TET1: variants seen among roughly 807,000 people sequenced by gnomAD.
TET1 encodes tet methylcytosine dioxygenase 1, also known as methylcytosine dioxygenase TET1.
In TET1, 13 loss-of-function variants were observed where a neutral mutation model predicts 148.7. The observed-to-expected ratio is 0.09, with a 90% CI of 0.06 to 0.14. TET1 has a LOEUF of 0.14. Among genes scored for constraint, TET1 ranks in the 10% least tolerant of loss-of-function variants. The pLI, the probability that TET1 is intolerant of heterozygous loss-of-function variation, is 1.00. For synonymous variants in TET1, 907 were observed against 937.2 expected, an observed-to-expected ratio of 0.97 and a Z score of 0.59; for missense variants, 2,182 against 2,553.8, an observed-to-expected ratio of 0.85 and a Z score of 3.14.
At position 68,645,830 on chromosome 10, in the gene TET1, A is replaced by G; in HGVS notation, c.3101A>G (p.Asp1034Gly). 1 of 1,614,152 alleles carries G rather than the reference A, an allele frequency of 6.2e-7. No individual in the cohort carries two copies. The highest frequency in any genetic ancestry group is 8.5e-7 in the Non-Finnish European group (1 of 1,180,020). The change falls in exon 4 of 12, where the codon GAT becomes GGT. Residue 1034 changes from aspartate to glycine, a missense_variant. This residue lies in a region of TET1 where 582 missense variants were observed against 599.5 expected (regional missense o/e 0.97). Transcript: ENST00000373644. Reference sequence around the variant, plus strand: ...ATTACTCTTGACAATTGTTCCAATGATTTGCATCAGTTGCCACCAAGAAAT... The same window carrying G: ...ATTACTCTTGACAATTGTTCCAATGGTTTGCATCAGTTGCCACCAAGAAAT... Reference protein sequence around the residue: ...GIITLDNCSNDLHQLPPRNNE... With the variant: ...GIITLDNCSNGLHQLPPRNNE...
intron 2 of TET1, among the ~76,000 whole-genome samples, chr10:68,597,972 G>T (rs1430063136): frequency 2.0e-5 from 3 of 152,206 alleles, no homozygotes; most frequent in African/African-American, 7.2e-5. Context: ...GGCAAATGAG[G>T]AGTTATTGTT....
chr10:68,567,826 C>A (rs1209234031), intron 1 of TET1, among the ~76,000 whole-genome samples: 5 of 151,860 alleles, frequency 3.3e-5, no homozygotes, highest in African/African-American at 9.7e-5. Context: ...CATTTGAGAC[C>A]ATTCGTGAGA....
rs543731850 is a variant in TET1, at chr10:68,693,048, C to T, written c.*1234C>T. ...AAGAGGAATGGTACTACAAACATGG[C>T]TTTGTCCATTAAGAGCTAATTCATT... On this transcript the variant is annotated 3_prime_UTR_variant, in exon 12 of 12. Coordinates refer to ENST00000373644, the MANE Select transcript of TET1 (RefSeq NM_030625.3). The T allele has an allele frequency of 2.5e-4, 57 of 230,060 alleles. 1 individual carries two copies. The South Asian group carries it at 0.01, about 42-fold the overall frequency. 14.3% of individuals were successfully genotyped at this position (230,060 alleles called of 1,614,324 possible).
At position 68,644,893 on chromosome 10, in the gene TET1, G is replaced by A. The variant is rs769874955; in HGVS notation, c.2164G>A (p.Val722Met). 3.9e-5 allele frequency: 63 copies of A among 1,612,758 alleles called. No individual in the cohort carries two copies. In the Admixed American group the frequency reaches 4.7e-4, roughly 12 times the overall value. ...CAAGAAATCACAGTTAACTGATCAC[G>A]TGAAAGGAGATTTTAGTGCTAATGT... ...QNKKSQLTDH[V>M]KGDFSANVPE... is the part of the protein sequence containing the mutation. The change falls in exon 4 of 12, where the codon GTG becomes ATG. Residue 722 changes from valine (V) to methionine (M), a missense_variant. Physicochemically the swap from Val to Met is conservative, Grantham distance 21. Transcript: ENST00000373644.
intron 7 of TET1, among the ~76,000 whole-genome samples, chr10:68,670,239 AT>A (rs1219925369): frequency 2.0e-5 from 3 of 152,062 alleles, no homozygotes; most frequent in Admixed American, 6.6e-5. Context: ...TTTCCCAATA[AT>A]TTTCCCCTGT....
Position 68,646,629 on chromosome 10 carries a change from C to T in TET1, c.3900C>T (p.Thr1300=), listed in dbSNP as rs888613984. ...VNANQKAHPL[T]QPSSPPNQCA... is the part of the protein sequence containing the mutation. ...CCAATCAGAAAGCCCATCCTTTGAC[C>T]CAGCCCTCCTCTCCACCTAACCAGT... Residue 1300 remains threonine (T), a synonymous_variant, in exon 4 of 12, where the codon ACC becomes ACT. Coordinates refer to ENST00000373644, the MANE Select transcript of TET1 (RefSeq NM_030625.3). 1 of 1,613,944 alleles carries T rather than the reference C, an allele frequency of 6.2e-7. No homozygotes were observed. Among genetic ancestry groups the T allele is most frequent in the African/African-American group, 1.3e-5 (1 of 74,870 alleles).
In TET1 at chr10:68,691,742, C is replaced by T. The variant is rs753773123; in HGVS notation, c.6339C>T (p.Thr2113=). Residue 2113 remains threonine, a synonymous_variant, in exon 12 of 12, where the codon ACC becomes ACT. Coordinates refer to ENST00000373644, the MANE Select transcript of TET1 (RefSeq NM_030625.3). The surrounding 1 kb of genome is among the most constrained non-coding windows in gnomAD (Gnocchi z 4.4). Reference sequence around the variant, plus strand: ...CTTCTCATAAAGCATTAACATTAACCCATGACAATGTTGTCACCGTGTCCC... The same window carrying T: ...CTTCTCATAAAGCATTAACATTAACTCATGACAATGTTGTCACCGTGTCCC... ...QIPSHKALTL[T]HDNVVTVSPY... is the part of the protein sequence containing the mutation. 1.2e-6 allele frequency: 2 copies of T among 1,614,050 alleles called. No homozygotes were observed. The highest frequency in any genetic ancestry group is 1.1e-5 in the South Asian group (1 of 91,086).
At chr10:68,665,222 G>A (rs1303276759) in intron 6 of TET1, among the ~76,000 whole-genome samples, 1 of 151,998 alleles carries the variant, frequency 6.6e-6, no homozygotes, top group Non-Finnish European at 1.5e-5. Context: ...ATCAATGTGA[G>A]GTAGGGGTCA....
chr10:68,651,646 G>T (rs896832993), intron 4 of TET1, among the ~76,000 whole-genome samples, 200 bp from the exon 5 acceptor site: 1 of 151,722 alleles, frequency 6.6e-6, no homozygotes, highest in Non-Finnish European at 1.5e-5. Context: ...GAAAGAATTC[G>T]TTAGGGGCAG....
At chr10:68,684,375 CTT>C (rs5785868) in intron 10 of TET1, among the ~76,000 whole-genome samples, 3 of 139,478 alleles carry the variant, frequency 2.2e-5, no homozygotes, top group African/African-American at 2.6e-5. Context: ...GCCACAACAA[CTT>C]TTTTTTTTTT....
At position 68,572,885 on chromosome 10, in the gene TET1, G is replaced by A. The variant is rs1473362793; in HGVS notation, c.547G>A (p.Gly183Ser). Residue 183 changes from glycine to serine, a missense_variant, in exon 2 of 12, where the codon GGT (glycine) becomes AGT (serine). By Grantham distance (56) the Gly-to-Ser change is moderately conservative (BLOSUM62 0). Around this residue, in one of 11 missense-constraint regions of TET1, gnomAD observed 665 missense variants for 672.4 expected, o/e 0.99. Coordinates refer to ENST00000373644, the MANE Select transcript of TET1 (RefSeq NM_030625.3). Reference protein sequence around the residue: ...IGVQNPSLLKGKSQETTQFWS... With the variant: ...IGVQNPSLLKSKSQETTQFWS... ...TGTACAAAATCCCTCTTTACTTAAAGGTAAGAGCCAAGAGACAACTCAGTT... is the reference window on the plus strand; with the variant it reads ...TGTACAAAATCCCTCTTTACTTAAAAGTAAGAGCCAAGAGACAACTCAGTT... 6.2e-7 allele frequency: 1 copy of A among 1,614,116 alleles called. No individual in the cohort carries two copies. The highest frequency in any genetic ancestry group is 1.7e-5 in the Admixed American group (1 of 60,004).
At position 68,644,890 on chromosome 10, in the gene TET1, C is replaced by A. The variant is rs776880066; in HGVS notation, c.2161C>A (p.His721Asn). 3.7e-6 allele frequency: 6 copies of A among 1,612,954 alleles called. No individual in the cohort carries two copies. Among genetic ancestry groups the A allele is most frequent in the Non-Finnish European group, 4.2e-6 (5 of 1,179,584 alleles). Residue 721 changes from histidine (H) to asparagine (N), a missense_variant, in exon 4 of 12, where the codon CAC (histidine) becomes AAC (asparagine). His to Asn is a moderately conservative substitution (Grantham distance 68). Around this residue, in one of 11 missense-constraint regions of TET1, gnomAD observed 226 missense variants for 307.4 expected, o/e 0.74. Transcript: ENST00000373644. ...TQNKKSQLTD[H>N]VKGDFSANVP... is the part of the protein sequence containing the mutation. ...AAACAAGAAATCACAGTTAACTGAT[C>A]ACGTGAAAGGAGATTTTAGTGCTAA... is the stretch of plus-strand genomic sequence containing the variant.
chr10:68,671,862 C>A (rs941638768), intron 7 of TET1, among the ~76,000 whole-genome samples: 8 of 152,034 alleles, frequency 5.3e-5, no homozygotes, highest in Admixed American at 3.9e-4. Context: ...CTCACTGCAA[C>A]CTCCGCCTCC....
rs1482793268 is a variant in TET1 at position 68,692,385 on chromosome 10, G to T, written c.*571G>T. On this transcript the variant is annotated 3_prime_UTR_variant, in exon 12 of 12. Coordinates refer to ENST00000373644, the MANE Select transcript of TET1 (RefSeq NM_030625.3). ...CTCCTGTGTAAAATAAATCATTGTT[G>T]TTAGTAATGGTTGGAGGCTGTTCAT... 1.7e-5 allele frequency: 4 copies of T among 231,830 alleles called. No individual in the cohort carries two copies. The highest frequency in any genetic ancestry group is 8.8e-5 in the African/African-American group (4 of 45,258). 14.4% of individuals were successfully genotyped at this position (231,830 alleles called of 1,614,324 possible).
At position 68,667,190 on chromosome 10, in the gene TET1, A is replaced by G; in HGVS notation, c.4607A>G (p.Glu1536Gly). The stretch of plus-strand genomic sequence containing the variant: ...CCAATGGCCGACCGGCTATACACAG[A>G]GCTCACAGAGAATCTAAAGTCATAC... ...PLPMADRLYT[E>G]LTENLKSYNG... is the part of the protein sequence containing the mutation. The change falls in exon 7 of 12, where the codon GAG becomes GGG. Residue 1536 changes from glutamate to glycine, a missense_variant. Glu to Gly is a moderately conservative substitution (Grantham distance 98). Transcript: ENST00000373644. 6.2e-7 allele frequency: 1 copy of G among 1,614,140 alleles called. No individual in the cohort carries two copies. Among genetic ancestry groups the G allele is most frequent in the South Asian group, 1.1e-5 (1 of 91,072 alleles).
At chr10:68,603,785 A>G (rs1035024316) in intron 3 of TET1, among the ~76,000 whole-genome samples, 1 of 152,146 alleles carries the variant, frequency 6.6e-6, no homozygotes, top group African/African-American at 2.4e-5. Context: ...CCCACCACCA[A>G]AAGAACACTA....
intron 6 of TET1, among the ~76,000 whole-genome samples, chr10:68,657,397 C>T (rs965336194): frequency 1.8e-4 from 27 of 152,022 alleles, no homozygotes; most frequent in Admixed American, 1.4e-3. Context: ...AGGATGGTCT[C>T]GATCTCCCGA....
At chr10:68,651,591 C>A (rs1054859181) in intron 4 of TET1, among the ~76,000 whole-genome samples, 1 of 151,638 alleles carries the variant, frequency 6.6e-6, no homozygotes, top group South Asian at 2.1e-4. Context: ...ATAAATATGA[C>A]CCACATCTTA....
At chr10:68,659,429 C>T (rs1478326802) in intron 6 of TET1, among the ~76,000 whole-genome samples, 4 of 152,038 alleles carry the variant, frequency 2.6e-5, no homozygotes, top group African/African-American at 9.7e-5. Context: ...AGCCATTCTC[C>T]AGCCTCAGCC....
Sources: allele counts gnomAD v4.1 joint callset (sites outside exome capture counted in the v4.1 genomes callset), GRCh38; gene constraint gnomAD v4.1.1; regional missense constraint gnomAD v4.1.1; non-coding constraint Gnocchi (gnomAD v3.1); transcripts MANE v1.5; gene names NCBI Gene and HGNC (gene_info 2026-07-23, HGNC 2026-07-21).